DAW1: variants seen among roughly 807,000 people sequenced by gnomAD.
The protein encoded by DAW1 is dynein assembly factor with WD repeat domains 1.
Under a neutral mutation model 56.5 loss-of-function variants are expected in DAW1, and 47 were observed. The ratio of observed to expected loss-of-function variants is 0.83; its 90% CI spans 0.66 to 1.06. DAW1 has a LOEUF of 1.06. DAW1 is among the 50% of genes least tolerant of loss of function. The probability of loss-of-function intolerance (pLI) is 0.00; values close to 1 mark genes in which losing one functional copy is unlikely to be tolerated. For synonymous variants in DAW1, 190 were observed against 179.0 expected (o/e 1.06, Z -0.49); for missense variants, 505 against 499.3 (o/e 1.01, Z -0.11).
chr2:227,919,538 C>T (rs1344433415), intron 11 of DAW1, among the ~76,000 whole-genome samples: 1 of 152,124 alleles, frequency 6.6e-6, no homozygotes, highest in African/African-American at 2.4e-5. Context: ...CAGCAAGTAT[C>T]AAGTGTTCTG....
intron 2 of DAW1, among the ~76,000 whole-genome samples, chr2:227,889,084 T>C (rs1287895251): frequency 1.3e-5 from 2 of 152,158 alleles, no homozygotes; most frequent in African/African-American, 2.4e-5. Context: ...CAGGATTAAA[T>C]AAGAGAACAT....
At chr2:227,907,015 A>T in intron 9 of DAW1, 123 bp from the exon 10 acceptor site, 1 of 623,286 alleles carries the variant, frequency 1.6e-6, no homozygotes, top group South Asian at 2.3e-5. Context: ...TGAATTACAC[A>T]AGTGATTTTT....
intron 10 of DAW1, among the ~76,000 whole-genome samples, chr2:227,907,924 T>C: frequency 6.6e-6 from 1 of 152,212 alleles, no homozygotes; most frequent in East Asian, 1.9e-4. Context: ...TATAATCTCC[T>C]TTACTATAAC....
rs780550626 is a variant in DAW1 at position 227,891,346 on chromosome 2, A to G, written c.317+33A>G. ...TCTCTTTTTATGTCTAATTTTTAGC[A>G]GTGAAACAAATTTCTGTGTTTATTT... On this transcript the variant is annotated intron_variant, in intron 4 of 12. Coordinates refer to ENST00000309931, the MANE Select transcript of DAW1 (RefSeq NM_178821.3). 1.9e-6 allele frequency: 3 copies of G among 1,563,098 alleles called. No homozygotes were observed. In the South Asian group the frequency reaches 3.4e-5, roughly 18 times the overall value.
At chr2:227,875,089 C>T (rs1690849258) in intron 1 of DAW1, among the ~76,000 whole-genome samples, 1 of 152,186 alleles carries the variant, frequency 6.6e-6, no homozygotes, top group African/African-American at 2.4e-5. Flanking sequence ...TGGGGGTCTC[C>T]CATGGTCTTC....
chr2:227,901,333 T>C (rs1420205713), intron 6 of DAW1, among the ~76,000 whole-genome samples: 1 of 152,172 alleles, frequency 6.6e-6, no homozygotes, highest in African/African-American at 2.4e-5. Flanking sequence ...ATATGACTTT[T>C]GTGTCTTAGA....
intron 1 of DAW1, among the ~76,000 whole-genome samples, chr2:227,874,777 A>G (rs1271686658): frequency 6.6e-6 from 1 of 152,072 alleles, no homozygotes; most frequent in African/African-American, 2.4e-5. Flanking sequence ...CCTGCCCAAC[A>G]TGGTGAAACC....
At chr2:227,879,182 T>G (rs1690953753) in intron 1 of DAW1, among the ~76,000 whole-genome samples, 1 of 152,222 alleles carries the variant, frequency 6.6e-6, no homozygotes, top group Non-Finnish European at 1.5e-5. Context: ...GATGCGGTCA[T>G]GCCTTGAAAG....
intron 2 of DAW1, among the ~76,000 whole-genome samples, chr2:227,887,911 C>G (rs959362713): frequency 2.5e-4 from 38 of 152,184 alleles, no homozygotes; most frequent in Non-Finnish European, 2.8e-4. Context: ...GAAAATCCTA[C>G]AGGGTTGGAG....
chr2:227,896,120 A>G (rs1691401306), intron 5 of DAW1, among the ~76,000 whole-genome samples: 1 of 152,234 alleles, frequency 6.6e-6, no homozygotes, highest in East Asian at 1.9e-4. Context: ...AAAGTGATTA[A>G]GCGTTCCAAT....
At chr2:227,897,942 A>G (rs1691450133) in intron 5 of DAW1, among the ~76,000 whole-genome samples, 1 of 151,308 alleles carries the variant, frequency 6.6e-6, no homozygotes, top group Non-Finnish European at 1.5e-5. Flanking sequence ...TTTAAAAATT[A>G]TTATAATCCC....
intron 6 of DAW1, among the ~76,000 whole-genome samples, chr2:227,899,415 A>G (rs1691486453): frequency 6.6e-6 from 1 of 152,204 alleles, no homozygotes; most frequent in Non-Finnish European, 1.5e-5. Context: ...CACTTTACCA[A>G]TGCAGTAGTA....
At chr2:227,912,744 T>C (rs1187006393) in intron 10 of DAW1, among the ~76,000 whole-genome samples, 2 of 152,212 alleles carry the variant, frequency 1.3e-5, no homozygotes, top group African/African-American at 2.4e-5. Context: ...TATTCTGGGT[T>C]ATCTCCTTGA....
chr2:227,908,493 C>A (rs982354072), intron 10 of DAW1, among the ~76,000 whole-genome samples: 11 of 152,132 alleles, frequency 7.2e-5, no homozygotes, highest in Non-Finnish European at 1.3e-4. Context: ...TGATACTGAA[C>A]AACAAGTCAT....
chr2:227,892,732 T>G (rs1691295353), intron 4 of DAW1, among the ~76,000 whole-genome samples: 1 of 152,194 alleles, frequency 6.6e-6, no homozygotes, highest in South Asian at 2.1e-4. Flanking sequence ...TCTTCACCTT[T>G]TCTTGTTACC....
chr2:227,906,872 T>C (rs1228734684), intron 9 of DAW1, among the ~76,000 whole-genome samples: 1 of 152,140 alleles, frequency 6.6e-6, no homozygotes, highest in African/African-American at 2.4e-5. Context: ...CGTTGAGATA[T>C]TTTTTCTTTC....
At chr2:227,918,448 A>G (rs1416861791) in intron 10 of DAW1, among the ~76,000 whole-genome samples, 1 of 152,060 alleles carries the variant, frequency 6.6e-6, no homozygotes, top group Non-Finnish European at 1.5e-5. Flanking sequence ...TGCTTATTTC[A>G]TCACCTGCCT....
intron 1 of DAW1, among the ~76,000 whole-genome samples, chr2:227,884,030 G>C (rs1031425717): frequency 2.0e-5 from 3 of 152,176 alleles, no homozygotes; most frequent in Non-Finnish European, 4.4e-5. Flanking sequence ...GAGTAAGGTG[G>C]TTAGGAGGCT....
intron 5 of DAW1, among the ~76,000 whole-genome samples, chr2:227,896,237 T>A (rs1016572759): frequency 6.6e-6 from 1 of 152,220 alleles, no homozygotes; most frequent in African/African-American, 2.4e-5. Context: ...AAGATTTTAT[T>A]GAAATTATAA....
Sources: allele counts gnomAD v4.1 joint callset (sites outside exome capture counted in the v4.1 genomes callset), GRCh38; gene constraint gnomAD v4.1.1; transcripts MANE v1.5; gene names NCBI Gene and HGNC (gene_info 2026-07-23, HGNC 2026-07-21).